Variants in SGCZ observed in about 807,000 individuals in gnomAD.
SGCZ encodes the protein zeta-sarcoglycan.
SGCZ carries 40 observed loss-of-function variants against 41.3 expected under a neutral mutation model. The ratio of observed to expected loss-of-function variants is 0.97; its 90% confidence interval spans 0.75 to 1.26. The LOEUF is 1.26. Ranked by LOEUF, SGCZ falls within the 50% of genes most tolerant of loss-of-function variation. The probability of loss-of-function intolerance (pLI) is 0.00; values close to 1 mark genes in which losing one functional copy is unlikely to be tolerated. For synonymous variants in SGCZ, 206 were observed against 137.5 expected (o/e 1.50, Z -3.49); for missense variants, 552 against 369.8 (o/e 1.49, Z -4.04).
intron 1 of SGCZ, among the ~76,000 whole-genome samples, chr8:15,118,876 G>A (rs1312101834): frequency 1.3e-5 from 2 of 152,056 alleles, no homozygotes; most frequent in Admixed American, 1.3e-4. Context: ...TATGGTATTG[G>A]CTTTTTAAAG....
chr8:14,303,951 C>G (rs1455437739), intron 3 of SGCZ, among the ~76,000 whole-genome samples: 2 of 151,876 alleles, frequency 1.3e-5, no homozygotes, highest in African/African-American at 4.8e-5. Context: ...AGGGTTTCAC[C>G]ACATTGGCCA....
intron 3 of SGCZ, among the ~76,000 whole-genome samples, chr8:14,313,508 G>C (rs986105697): frequency 1.3e-5 from 2 of 152,024 alleles, no homozygotes; most frequent in African/African-American, 4.8e-5. Context: ...GTAGTGACAA[G>C]GCTTTGCCAT....
chr8:15,121,939 G>GT (rs1807497016), intron 1 of SGCZ, among the ~76,000 whole-genome samples: 2 of 149,560 alleles, frequency 1.3e-5, no homozygotes, highest in Non-Finnish European at 1.5e-5. Flanking sequence ...ACATTTTGGA[G>GT]AGCCTTTCAA....
At chr8:14,612,781 A>T (rs1183802627) in intron 1 of SGCZ, among the ~76,000 whole-genome samples, 1 of 151,916 alleles carries the variant, frequency 6.6e-6, no homozygotes, top group East Asian at 1.9e-4. Flanking sequence ...CCACCTCCCA[A>T]GCTCAAATGA....
chr8:14,950,028 G>T (rs1258519064), intron 1 of SGCZ, among the ~76,000 whole-genome samples: 4 of 151,886 alleles, frequency 2.6e-5, no homozygotes, highest in Non-Finnish European at 5.9e-5. Context: ...TTCAAATACT[G>T]GACCCAGCTA....
intron 1 of SGCZ, among the ~76,000 whole-genome samples, chr8:14,915,367 G>A (rs1563360427): frequency 6.6e-6 from 1 of 152,108 alleles, no homozygotes; most frequent in Non-Finnish European, 1.5e-5. Context: ...TAAGGGACTA[G>A]GAGTCCTCGG....
Position 14,102,491 on chromosome 8 carries a change from G to T in SGCZ, c.629C>A (p.Ser210Ter). The T allele has an allele frequency of 1.4e-6, 2 of 1,421,064 alleles. No homozygotes were observed. Among genetic ancestry groups the T allele is most frequent in the South Asian group, 1.7e-5 (1 of 58,418 alleles). The allele number at this position is 1,421,064 out of a possible 1,614,324, so 88.0% of individuals were successfully genotyped here. ...AEPSQDLRLE[S>*]PTRSLIMEAP... ...TTCCATGATCAAGGATCTGGTGGGT[G>T]ATTCAAGCCTAAGGGAAAAACAAAA... is the stretch of plus-strand genomic sequence containing the variant. Residue 210 changes from serine to a stop codon, truncating the protein, a stop_gained, in exon 7 of 8, where the codon TCA becomes TAA. Coordinates refer to ENST00000382080, the MANE Select transcript of SGCZ (RefSeq NM_139167.4). LOFTEE classifies it high-confidence loss of function.
At chr8:14,999,705 C>T (rs1239625268) in intron 1 of SGCZ, among the ~76,000 whole-genome samples, 1 of 152,172 alleles carries the variant, frequency 6.6e-6, no homozygotes. Context: ...TCTTCATAGC[C>T]TAACAATCTT....
At chr8:14,279,057 T>A (rs200093815) in intron 3 of SGCZ, among the ~76,000 whole-genome samples, 1 of 152,076 alleles carries the variant, frequency 6.6e-6, no homozygotes, top group South Asian at 2.1e-4. Context: ...TAGGAAGATA[T>A]TGTGCCACTT....
chr8:14,335,293 A>G (rs1802470747), intron 2 of SGCZ, among the ~76,000 whole-genome samples: 1 of 152,096 alleles, frequency 6.6e-6, no homozygotes, highest in South Asian at 2.1e-4. Flanking sequence ...CAGAAATGCA[A>G]TGGGTCATCT....
At chr8:15,094,459 T>C (rs957874266) in intron 1 of SGCZ, among the ~76,000 whole-genome samples, 5 of 152,140 alleles carry the variant, frequency 3.3e-5, no homozygotes, top group African/African-American at 1.2e-4. Flanking sequence ...TTAGATTGGA[T>C]AGTGTCTGAG....
intron 1 of SGCZ, among the ~76,000 whole-genome samples, chr8:14,760,874 G>A (rs1799848535): frequency 6.6e-6 from 1 of 152,178 alleles, no homozygotes; most frequent in Non-Finnish European, 1.5e-5. Context: ...TCATGTGTGT[G>A]AAATATAGTA....
At chr8:14,750,923 G>A (rs1231127145) in intron 1 of SGCZ, among the ~76,000 whole-genome samples, 4 of 152,144 alleles carry the variant, frequency 2.6e-5, no homozygotes, top group African/African-American at 4.8e-5. Context: ...AATTGAAAAC[G>A]GTAGTCAGAA....
intron 2 of SGCZ, among the ~76,000 whole-genome samples, chr8:14,466,746 T>C (rs1477354856): frequency 1.3e-5 from 2 of 151,968 alleles, no homozygotes. Context: ...TTTAAAATCC[T>C]CTAATAACTT....
At chr8:14,277,327 C>A in intron 3 of SGCZ, among the ~76,000 whole-genome samples, 1 of 149,334 alleles carries the variant, frequency 6.7e-6, no homozygotes, top group Non-Finnish European at 1.5e-5. Context: ...TTTTGCAATC[C>A]TGTCCCCTTT....
Position 15,114,874 on chromosome 8 carries a change from C to A in SGCZ, c.39+122711G>T, listed in dbSNP as rs1807209218. Among the ~76,000 whole-genome samples, 3 of 151,856 alleles carry A rather than the reference C, an allele frequency of 2.0e-5. No homozygotes were observed. The South Asian group carries it at 6.2e-4, about 32-fold the overall frequency. On this transcript the variant is annotated intron_variant, in intron 1 of 7. Coordinates refer to ENST00000382080, the MANE Select transcript of SGCZ (RefSeq NM_139167.4). Reference sequence around the variant, plus strand: ...AACACTTCAGTTCTGATTCTAAATCCAGAGAGTGTCATTCTCAATAAACCT... The same window carrying A: ...AACACTTCAGTTCTGATTCTAAATCAAGAGAGTGTCATTCTCAATAAACCT...
chr8:14,851,535 C>G (rs964273054), intron 1 of SGCZ, among the ~76,000 whole-genome samples: 4 of 152,016 alleles, frequency 2.6e-5, no homozygotes, highest in African/African-American at 9.7e-5. Flanking sequence ...TTTATTCAAG[C>G]CTTTGTAAAT....
chr8:14,246,174 A>G (rs763900679), intron 3 of SGCZ, among the ~76,000 whole-genome samples: 1 of 152,230 alleles, frequency 6.6e-6, no homozygotes, highest in African/African-American at 2.4e-5. Flanking sequence ...TGTATTCACA[A>G]TAGCAAAGAC....
At chr8:15,233,445 T>C (rs1802022585) in intron 1 of SGCZ, among the ~76,000 whole-genome samples, 2 of 152,060 alleles carry the variant, frequency 1.3e-5, no homozygotes, top group Admixed American at 1.3e-4. Context: ...ACCTCAGCAT[T>C]TTTTAATCAA....
Sources: gnomAD v4.1 joint callset for allele counts (sites outside exome capture counted in the v4.1 genomes callset) on GRCh38, gnomAD v4.1.1 for gene constraint, MANE v1.5 for transcripts, NCBI Gene and HGNC (gene_info 2026-07-23, HGNC 2026-07-21) for gene names.